The following ADAMTS14 variants were observed in gnomAD, a reference collection of about 807,000 sequenced individuals.
The protein encoded by ADAMTS14 is A disintegrin and metalloproteinase with thrombospondin motifs 14.
A neutral mutation model predicts 128.6 loss-of-function variants in ADAMTS14; 100 were observed. The ratio of observed to expected loss-of-function variants is 0.78; its 90% CI spans 0.66 to 0.92. The LOEUF is 0.92. ADAMTS14 is among the 40% of genes least tolerant of loss of function. ADAMTS14 has a pLI of 0.00. For missense variants in ADAMTS14, 1,562 were observed against 1,658.6 expected, an observed-to-expected ratio of 0.94 and a Z score of 1.01; for synonymous variants, 665 against 653.8, an observed-to-expected ratio of 1.02 and a Z score of -0.26.
At chr10:70,702,767 G>A (rs1173497729) in intron 3 of ADAMTS14, among the ~76,000 whole-genome samples, 1 of 152,194 alleles carries the variant, frequency 6.6e-6, no homozygotes, top group East Asian at 1.9e-4. Context: ...AGGCAAGGCA[G>A]AAGGTAGAAT....
rs777635434 is a variant in ADAMTS14, at chr10:70,705,422, C to T, written c.679+2954C>T. On this transcript the variant is annotated intron_variant, in intron 3 of 21. Coordinates refer to ENST00000373207, the MANE Select transcript of ADAMTS14 (RefSeq NM_080722.4). ...GGCTGCCCATGCCAGGGCCGCCAGC[C>T]GGGCTGGGGCTCAGGGCGGCTGCTT... 1.5e-3 allele frequency among the ~76,000 whole-genome samples: 228 copies of T among 152,352 alleles called. 1 individual carries two copies. The highest frequency in any genetic ancestry group is 5.4e-3 in the African/African-American group (225 of 41,588).
At chr10:70,744,447 G>A (rs917021194) in intron 14 of ADAMTS14, among the ~76,000 whole-genome samples, 3 of 152,210 alleles carry the variant, frequency 2.0e-5, no homozygotes, top group African/African-American at 7.2e-5. Context: ...GTAAAGTTTT[G>A]TGATGGGAGC....
chr10:70,702,772 T>C (rs1376226343), intron 3 of ADAMTS14, among the ~76,000 whole-genome samples: 1 of 152,140 alleles, frequency 6.6e-6, no homozygotes, highest in East Asian at 1.9e-4. Context: ...AGGCAGAAGG[T>C]AGAATGCCTG....
intron 13 of ADAMTS14, 106 bp downstream of exon 13, chr10:70,743,787 G>T: frequency 1.4e-6 from 2 of 1,406,938 alleles, no homozygotes; most frequent in Middle Eastern, 2.5e-4. Context: ...CGGCCCACTC[G>T]CAACACCCTG....
intron 10 of ADAMTS14, among the ~76,000 whole-genome samples, chr10:70,737,177 T>A (rs1192963884): frequency 6.6e-6 from 1 of 152,180 alleles, no homozygotes; most frequent in Non-Finnish European, 1.5e-5. Flanking sequence ...GAGAAATCTC[T>A]GTGTGTCCTG....
At chr10:70,704,337 C>T (rs1025866480) in intron 3 of ADAMTS14, among the ~76,000 whole-genome samples, 3 of 152,032 alleles carry the variant, frequency 2.0e-5, no homozygotes, top group Non-Finnish European at 2.9e-5. Flanking sequence ...TGTGGGCCCA[C>T]ACACTCACAT....
At chr10:70,707,510 A>G (rs1188204041) in intron 3 of ADAMTS14, among the ~76,000 whole-genome samples, 1 of 152,152 alleles carries the variant, frequency 6.6e-6, no homozygotes, top group South Asian at 2.1e-4. Context: ...GTGAGTCTCC[A>G]TGCACCCTCA....
chr10:70,691,551 A>T (rs1414454945), intron 2 of ADAMTS14, among the ~76,000 whole-genome samples: 1 of 106,858 alleles, frequency 9.4e-6, no homozygotes, highest in African/African-American at 2.7e-5. Context: ...TGATCTGAGC[A>T]GCTCTGTTCT....
intron 4 of ADAMTS14, among the ~76,000 whole-genome samples, chr10:70,711,441 A>G (rs1398749145): frequency 1.3e-5 from 2 of 152,220 alleles, no homozygotes; most frequent in East Asian, 1.9e-4. Context: ...AGACACAGCC[A>G]TGGCCGCTGG....
chr10:70,739,274 C>T (rs1036364827), intron 11 of ADAMTS14, among the ~76,000 whole-genome samples: 5 of 152,254 alleles, frequency 3.3e-5, no homozygotes, highest in African/African-American at 4.8e-5. Context: ...CTTCTTCATG[C>T]GTGTAACAAG....
At chr10:70,751,328 C>A (rs1842341521) in intron 16 of ADAMTS14, 150 bp from the exon 17 acceptor site, 5 of 767,464 alleles carry the variant, frequency 6.5e-6, no homozygotes, top group Admixed American at 4.5e-5. Context: ...CAACCCCCTA[C>A]CATACCCCAG....
chr10:70,744,081 A>C lies in ADAMTS14; in HGVS notation c.2074A>C (p.Lys692Gln). Reference protein sequence around the residue: ...RGECVPVGCDKEVGSMKADDK... With the variant: ...RGECVPVGCDQEVGSMKADDK... Reference sequence around the variant, plus strand: ...CTGGCCTCAGCCTGTCGGCTGTGACAAGGAGGTGGGGTCCATGAAGGCGGA... The same window carrying C: ...CTGGCCTCAGCCTGTCGGCTGTGACCAGGAGGTGGGGTCCATGAAGGCGGA... Residue 692 changes from lysine to glutamine, a missense_variant, in exon 14 of 22, where the codon AAG (lysine) becomes CAG (glutamine). Lys to Gln is a moderately conservative substitution (Grantham distance 53, BLOSUM62 1). Coordinates refer to ENST00000373207, the MANE Select transcript of ADAMTS14 (RefSeq NM_080722.4). 1 of 1,564,450 alleles carries C rather than the reference A, an allele frequency of 6.4e-7. No homozygotes were observed. The highest frequency in any genetic ancestry group is 8.7e-7 in the Non-Finnish European group (1 of 1,154,586).
chr10:70,750,669 C>T (rs1354200011), intron 16 of ADAMTS14, among the ~76,000 whole-genome samples: 1 of 152,218 alleles, frequency 6.6e-6, no homozygotes, highest in Non-Finnish European at 1.5e-5. Flanking sequence ...ATACTTTTGA[C>T]TCACCTTATA....
At chr10:70,729,955 T>C in intron 5 of ADAMTS14, 147 bp from the exon 6 acceptor site, 2 of 913,886 alleles carry the variant, frequency 2.2e-6, no homozygotes, top group Non-Finnish European at 3.2e-6. Context: ...CCAGCAGCAG[T>C]TGAGTGGGGA....
At chr10:70,741,279 G>T in intron 12 of ADAMTS14, 117 bp downstream of exon 12, 1 of 1,255,620 alleles carries the variant, frequency 8.0e-7, no homozygotes, top group South Asian at 1.4e-5. Context: ...GGACAGTGGG[G>T]GTGCCAAAAG....
intron 12 of ADAMTS14, among the ~76,000 whole-genome samples, chr10:70,742,778 T>TTA (rs1289995753): frequency 2.0e-5 from 3 of 152,178 alleles, no homozygotes. Context: ...CAGTAAGTGT[T>TTA]TATATATGCT....
rs745313143 is a variant in ADAMTS14, at chr10:70,752,213, G to A, written c.2715G>A (p.Pro905=). ...KPIRRRCNQH[P]CSQPVWVTEE... ...TCCGCCGGCGCTGCAACCAGCACCC[G>A]TGCTCTCAGCCTGTGTGAGTGCTCC... The change falls in exon 18 of 22, where the codon CCG becomes CCA. Residue 905 remains proline, a synonymous_variant. Coordinates refer to ENST00000373207, the MANE Select transcript of ADAMTS14 (RefSeq NM_080722.4). 6.2e-5 allele frequency: 100 copies of A among 1,613,564 alleles called. No homozygotes were observed. The highest frequency in any genetic ancestry group is 7.5e-5 in the Non-Finnish European group (88 of 1,179,930).
At chr10:70,745,990 C>T (rs1425347306) in intron 15 of ADAMTS14, among the ~76,000 whole-genome samples, 1 of 152,166 alleles carries the variant, frequency 6.6e-6, no homozygotes, top group Non-Finnish European at 1.5e-5. Context: ...TTTCTAGCGT[C>T]CCATTAGTCC....
At chr10:70,677,352 G>A (rs1291533720) in intron 2 of ADAMTS14, among the ~76,000 whole-genome samples, 7 of 152,132 alleles carry the variant, frequency 4.6e-5, no homozygotes, top group Admixed American at 4.6e-4. Context: ...CATTAGCTGT[G>A]TGACCTTGGG....
Sources: allele counts gnomAD v4.1 joint callset (sites outside exome capture counted in the v4.1 genomes callset), GRCh38; gene constraint gnomAD v4.1.1; transcripts MANE v1.5; gene names NCBI Gene and HGNC (gene_info 2026-07-23, HGNC 2026-07-21).